GRIP1: variants seen among roughly 807,000 people sequenced by gnomAD.
The protein encoded by GRIP1 is glutamate receptor-interacting protein 1.
In GRIP1, 45 loss-of-function variants were observed where a neutral mutation model predicts 129.9. That is an observed-to-expected ratio of 0.35 (90% CI 0.27 to 0.44). The LOEUF (loss-of-function observed/expected upper bound fraction) is 0.44, where lower values mean the gene tolerates loss of function less well. GRIP1 is among the 20% of genes least tolerant of loss of function. GRIP1 has a pLI of 1.00. For missense variants in GRIP1, 1,196 were observed against 1,396.8 expected, an observed-to-expected ratio of 0.86 and a Z score of 2.29; for synonymous variants, 530 against 520.8, an observed-to-expected ratio of 1.02 and a Z score of -0.24.
chr12:66,812,073 T>A (rs2039114782), intron 1 of GRIP1, among the ~76,000 whole-genome samples: 1 of 152,214 alleles, frequency 6.6e-6, no homozygotes, highest in Admixed American at 6.5e-5. Flanking sequence ...TTAGATTTTT[T>A]AACAGCCATT....
At chr12:66,879,096 T>C (rs1419164933) in intron 1 of GRIP1, among the ~76,000 whole-genome samples, 1 of 152,002 alleles carries the variant, frequency 6.6e-6, no homozygotes, top group Non-Finnish European at 1.5e-5. Flanking sequence ...AATATGTATA[T>C]GAATGATAAA....
upstream of GRIP1, among the ~76,000 whole-genome samples, chr12:66,807,412 G>A (rs578201610): frequency 2.0e-5 from 3 of 152,160 alleles, no homozygotes; most frequent in African/African-American, 4.8e-5. Context: ...GGTGGCTCAC[G>A]CCTGTAATCT....
intron 1 of GRIP1, among the ~76,000 whole-genome samples, chr12:66,907,400 G>C (rs1415838375): frequency 2.6e-5 from 4 of 152,130 alleles, no homozygotes; most frequent in Non-Finnish European, 4.4e-5. Context: ...CTGCTCATAT[G>C]TATTTTATGA....
intron 1 of GRIP1, among the ~76,000 whole-genome samples, chr12:67,049,039 T>C (rs1486093285): frequency 6.6e-6 from 1 of 152,062 alleles, no homozygotes; most frequent in Non-Finnish European, 1.5e-5. Context: ...CTGCCCAGGC[T>C]GGTCTCAACA....
At chr12:66,683,419 C>A (rs1442383199), upstream of GRIP1, among the ~76,000 whole-genome samples, 1 of 152,134 alleles carries the variant, frequency 6.6e-6, no homozygotes, top group Non-Finnish European at 1.5e-5. Context: ...AAGCAAGACC[C>A]AATTTGCTGA....
chr12:66,711,866 T>C (rs2035723889), intron 1 of GRIP1, among the ~76,000 whole-genome samples: 1 of 151,950 alleles, frequency 6.6e-6, no homozygotes, highest in South Asian at 2.1e-4. Context: ...CTATGGGTCA[T>C]AGATCCTAAA....
intron 1 of GRIP1, among the ~76,000 whole-genome samples, chr12:66,756,953 T>A (rs1254595480): frequency 6.6e-6 from 1 of 152,194 alleles, no homozygotes; most frequent in Non-Finnish European, 1.5e-5. Context: ...TTCTTTAATT[T>A]TTAAATTTTT....
At chr12:66,539,024 C>T (rs2061689947) in intron 4 of GRIP1, 54 bp downstream of exon 4, 8 of 1,473,936 alleles carry the variant, frequency 5.4e-6, no homozygotes, top group Non-Finnish European at 7.6e-6. Context: ...TTTAGGCATC[C>T]ACTGGGGGTC....
At chr12:66,424,351 G>C (rs1179145573) in intron 14 of GRIP1, among the ~76,000 whole-genome samples, 5 of 152,116 alleles carry the variant, frequency 3.3e-5, no homozygotes, top group Non-Finnish European at 5.9e-5. Context: ...ACAATTTAAA[G>C]AGTCAAGAAT....
intron 19 of GRIP1, among the ~76,000 whole-genome samples, chr12:66,385,353 T>C (rs2056308299): frequency 6.6e-6 from 1 of 151,950 alleles, no homozygotes. Context: ...CTGGACAACA[T>C]GGCGAAACAC....
At chr12:66,533,738 TCA>T (rs2061521606) in intron 4 of GRIP1, among the ~76,000 whole-genome samples, 1 of 152,012 alleles carries the variant, frequency 6.6e-6, no homozygotes, top group Admixed American at 6.6e-5. Context: ...AATTTTAAAG[TCA>T]GAAAGAGCTT....
At chr12:66,797,519 T>C (rs1313743487) in intron 1 of GRIP1, among the ~76,000 whole-genome samples, 2 of 152,178 alleles carry the variant, frequency 1.3e-5, no homozygotes, top group East Asian at 3.8e-4. Flanking sequence ...CAAAGTCACA[T>C]AGTTTTTTAG....
rs188682796 is a variant in GRIP1, at chr12:66,867,236, G to A, written c.58+201814C>T. Among the ~76,000 whole-genome samples the A allele has an allele frequency of 6.0e-4, 91 of 152,092 alleles. No homozygotes were observed. The East Asian group carries it at 0.01, about 17-fold the overall frequency. ...ACTCCTGACCTCAGGTGATCCGCCC[G>A]CCTCAGCCTCCCAAAGTGTTGGGAT... On this transcript the variant is annotated intron_variant, in intron 1 of 1. Transcript: ENST00000643019.
intron 1 of GRIP1, among the ~76,000 whole-genome samples, chr12:66,685,236 C>T (rs1290078631): frequency 6.6e-6 from 1 of 152,058 alleles, no homozygotes; most frequent in African/African-American, 2.4e-5. Flanking sequence ...CCAACACTTG[C>T]TTTTATTTGT....
chr12:66,857,625 G>C (rs1484621991), intron 1 of GRIP1, among the ~76,000 whole-genome samples: 1 of 151,670 alleles, frequency 6.6e-6, no homozygotes. Flanking sequence ...GGAGGCATAA[G>C]TTAAGTGCTG....
intron 4 of GRIP1, 40 bp downstream of exon 4, chr12:66,539,038 G>A (rs2139193912): frequency 1.3e-6 from 2 of 1,567,802 alleles, no homozygotes; most frequent in African/African-American, 1.4e-5. Flanking sequence ...GGGGGTCTTG[G>A]AATGTATCCC....
At chr12:67,000,186 C>G (rs891761129) in intron 1 of GRIP1, among the ~76,000 whole-genome samples, 1 of 152,022 alleles carries the variant, frequency 6.6e-6, no homozygotes, top group African/African-American at 2.4e-5. Flanking sequence ...GGGTCTAGCA[C>G]AGTATTTTAT....
At chr12:66,510,150 T>C (rs527529921) in intron 7 of GRIP1, among the ~76,000 whole-genome samples, 93 of 152,292 alleles carry the variant, frequency 6.1e-4, no homozygotes, top group Admixed American at 1.6e-3. Context: ...ACATATGCAT[T>C]AACCCTTCTG....
At chr12:67,016,855 CTGTT>C (rs768060626) in intron 1 of GRIP1, among the ~76,000 whole-genome samples, 19 of 152,120 alleles carry the variant, frequency 1.2e-4, no homozygotes, top group Non-Finnish European at 1.9e-4. Context: ...TGATATCCCC[CTGTT>C]TGAGACAAAG....
Sources: gnomAD v4.1 joint callset for allele counts (sites outside exome capture counted in the v4.1 genomes callset) on GRCh38, gnomAD v4.1.1 for gene constraint, MANE v1.5 for transcripts, NCBI Gene and HGNC (gene_info 2026-07-23, HGNC 2026-07-21) for gene names.